Variants in STXBP4 observed in about 807,000 individuals in gnomAD.
STXBP4 encodes syntaxin binding protein 4.
STXBP4 carries 55 observed loss-of-function variants against 76.1 expected under a neutral mutation model. The observed-to-expected ratio is 0.72, with a 90% CI of 0.58 to 0.91. The LOEUF (loss-of-function observed/expected upper bound fraction) is 0.91. STXBP4 is among the 40% of genes least tolerant of loss of function. The probability of loss-of-function intolerance (pLI) is 0.00; values close to 1 mark genes in which losing one functional copy is unlikely to be tolerated. For missense variants in STXBP4, 618 were observed against 636.9 expected (o/e 0.97, Z 0.32); for synonymous variants, 201 against 220.2 (o/e 0.91, Z 0.77).
rs752120947 is a variant in STXBP4 at position 54,999,847 on chromosome 17, G to T, written c.498+5G>T. On this transcript the variant is annotated splice_donor_5th_base_variant and intron_variant, in intron 6 of 17. Coordinates refer to ENST00000376352, the MANE Select transcript of STXBP4 (RefSeq NM_178509.6). ...GACATTTTATCTTCTTGTGAGGTAAGTCAGGTAATCTTAAATTTCTCTATA... is the reference window on the plus strand; with the variant it reads ...GACATTTTATCTTCTTGTGAGGTAATTCAGGTAATCTTAAATTTCTCTATA... 4.4e-6 allele frequency: 7 copies of T among 1,598,116 alleles called. No individual in the cohort carries two copies. In the African/African-American group the frequency reaches 9.4e-5, roughly 22 times the overall value.
chr17:55,052,281 A>G (rs2078869044), intron 12 of STXBP4, among the ~76,000 whole-genome samples: 1 of 152,236 alleles, frequency 6.6e-6, no homozygotes, highest in African/African-American at 2.4e-5. Context: ...TGACAGGGGC[A>G]TATCACAGGA....
intron 8 of STXBP4, among the ~76,000 whole-genome samples, chr17:55,027,053 G>A (rs1023613963): frequency 2.0e-5 from 3 of 152,164 alleles, no homozygotes; most frequent in Admixed American, 2.0e-4. Context: ...GCATTGCCAA[G>A]TGCATGGGAG....
chr17:55,165,072 G>C lies in STXBP4; in HGVS notation c.*5161G>C, dbSNP rs1424173517. On this transcript the variant is annotated 3_prime_UTR_variant, in exon 18 of 18. Transcript: ENST00000376352. Reference sequence around the variant, plus strand: ...TCTTTATCAGATATTTGAACTACTGGACCATTTAATGTTCATTACGTTAAC... The same window carrying C: ...TCTTTATCAGATATTTGAACTACTGCACCATTTAATGTTCATTACGTTAAC... The C allele has an allele frequency of 6.6e-6, 1 of 152,036 alleles. No individual in the cohort carries two copies. The highest frequency in any genetic ancestry group is 1.5e-5 in the Non-Finnish European group (1 of 67,998). The allele number at this position is 152,036 out of a possible 1,614,324, so 9.4% of individuals were successfully genotyped here.
At chr17:55,059,114 A>G (rs1369758164) in intron 12 of STXBP4, among the ~76,000 whole-genome samples, 1 of 152,080 alleles carries the variant, frequency 6.6e-6, no homozygotes, top group Admixed American at 6.6e-5. Flanking sequence ...AATTTTGTCC[A>G]TACTTATTTT....
intron 16 of STXBP4, among the ~76,000 whole-genome samples, chr17:55,106,893 G>C (rs142159466): frequency 6.6e-5 from 10 of 152,306 alleles, no homozygotes; most frequent in African/African-American, 2.4e-4. Flanking sequence ...CAACCTTGGT[G>C]AATCTGACAA....
At chr17:55,175,306 A>G (rs1421792118), downstream of STXBP4, among the ~76,000 whole-genome samples, 4 of 152,228 alleles carry the variant, frequency 2.6e-5, no homozygotes, top group African/African-American at 4.8e-5. Flanking sequence ...GCTGATGCTC[A>G]TAGCAGAAAT....
chr17:55,071,236 A>G (rs2079115644), intron 12 of STXBP4, among the ~76,000 whole-genome samples: 1 of 151,986 alleles, frequency 6.6e-6, no homozygotes, highest in South Asian at 2.1e-4. Context: ...TTCCCATCTT[A>G]CCCTGAGTAA....
At chr17:55,120,374 A>C (rs1025113223) in intron 16 of STXBP4, among the ~76,000 whole-genome samples, 1 of 152,204 alleles carries the variant, frequency 6.6e-6, no homozygotes, top group African/African-American at 2.4e-5. Flanking sequence ...TGTTGGTAGT[A>C]CCTACCTATA....
chr17:55,097,796 G>A (rs930158872), intron 16 of STXBP4, among the ~76,000 whole-genome samples: 11 of 152,198 alleles, frequency 7.2e-5, no homozygotes, highest in African/African-American at 2.4e-4. Context: ...AAGATCATAC[G>A]CTATAAGGTT....
chr17:55,118,517 G>A (rs1316683093), intron 16 of STXBP4, among the ~76,000 whole-genome samples: 1 of 151,994 alleles, frequency 6.6e-6, no homozygotes, highest in Non-Finnish European at 1.5e-5. Flanking sequence ...AAGTCAAGAT[G>A]TTATTGGCAA....
intron 17 of STXBP4, 94 bp from the exon 18 acceptor site, chr17:55,159,703 C>T: frequency 1.4e-6 from 1 of 730,774 alleles, no homozygotes; most frequent in Non-Finnish European, 2.3e-6. Flanking sequence ...AGGGACTTTA[C>T]TAGGGTAGAA....
At chr17:55,030,238 C>T (rs1203197747) in intron 8 of STXBP4, among the ~76,000 whole-genome samples, 1 of 152,124 alleles carries the variant, frequency 6.6e-6, no homozygotes. Flanking sequence ...CTTTCTGTTC[C>T]ACCATCTTTA....
chr17:55,178,372 G>A (rs1275638423), downstream of STXBP4, among the ~76,000 whole-genome samples: 1 of 152,164 alleles, frequency 6.6e-6, no homozygotes, highest in African/African-American at 2.4e-5. Context: ...ATGTGGTTTT[G>A]TGAATGTCCC....
intron 16 of STXBP4, among the ~76,000 whole-genome samples, chr17:55,133,222 C>T (rs1456773224): frequency 6.6e-6 from 1 of 151,590 alleles, no homozygotes. Flanking sequence ...GACAAAGCCA[C>T]CAAGATATGC....
intron 10 of STXBP4, 111 bp downstream of exon 10, chr17:55,034,370 C>A: frequency 1.6e-6 from 1 of 611,294 alleles, no homozygotes; most frequent in Non-Finnish European, 2.6e-6. Context: ...ATACATGTTT[C>A]TTGGATAAAT....
chr17:55,077,841 A>T (rs1489876533), intron 13 of STXBP4, among the ~76,000 whole-genome samples: 1 of 152,094 alleles, frequency 6.6e-6, no homozygotes, highest in Non-Finnish European at 1.5e-5. Context: ...AATGTATTTT[A>T]CTATAAGAAT....
chr17:55,147,889 G>T (rs1382262162), intron 17 of STXBP4, among the ~76,000 whole-genome samples: 1 of 152,150 alleles, frequency 6.6e-6, no homozygotes, highest in East Asian at 1.9e-4. Context: ...GTCTGCCATG[G>T]GTTTAGAGGG....
chr17:55,005,472 G>T (rs969899616), intron 7 of STXBP4, among the ~76,000 whole-genome samples: 4 of 152,184 alleles, frequency 2.6e-5, no homozygotes, highest in Non-Finnish European at 5.9e-5. Context: ...TTACTGTTTA[G>T]ATAGAAGTAA....
chr17:55,086,756 A>T (rs899439803), intron 16 of STXBP4, among the ~76,000 whole-genome samples: 4 of 152,112 alleles, frequency 2.6e-5, no homozygotes, highest in Non-Finnish European at 1.5e-5. Flanking sequence ...CAATATGCTG[A>T]CTTTCTTTTC....
Sources: allele counts gnomAD v4.1 joint callset (sites outside exome capture counted in the v4.1 genomes callset), GRCh38; gene constraint gnomAD v4.1.1; transcripts MANE v1.5; gene names NCBI Gene and HGNC (gene_info 2026-07-23, HGNC 2026-07-21).